Variants in PXDNL observed in about 807,000 individuals in gnomAD.
PXDNL encodes the protein peroxidasin like.
Under a neutral mutation model 150.8 loss-of-function variants are expected in PXDNL, and 145 were observed. The observed-to-expected ratio is 0.96, with a 90% CI of 0.84 to 1.10. PXDNL has a LOEUF of 1.10. Among genes scored for constraint, PXDNL ranks in the 50% least tolerant of loss-of-function variants. The pLI is 0.00. For missense variants in PXDNL, 2,087 were observed against 1,873.9 expected (o/e 1.11, Z -2.10); for synonymous variants, 757 against 725.7 (o/e 1.04, Z -0.69).
rs1333558290 is a variant in PXDNL at position 51,533,730 on chromosome 8, G to T, written c.380+23110C>A. Reference sequence around the variant, plus strand: ...TCCAGCTCCTAACCGCGAGTGATCCGCCAGCCTCGGCCTCCCGAGGTGCCG... The same window carrying T: ...TCCAGCTCCTAACCGCGAGTGATCCTCCAGCCTCGGCCTCCCGAGGTGCCG... On this transcript the variant is annotated intron_variant, in intron 4 of 22. Transcript: ENST00000356297. Among the ~76,000 whole-genome samples, 3 of 150,924 alleles carry T rather than the reference G, an allele frequency of 2.0e-5. 1 individual carries two copies. Among genetic ancestry groups the T allele is most frequent in the East Asian group, 2.0e-4 (1 of 4,994 alleles).
intron 2 of PXDNL, among the ~76,000 whole-genome samples, chr8:51,642,262 T>C (rs1814780500): frequency 6.6e-6 from 1 of 151,556 alleles, no homozygotes; most frequent in South Asian, 2.1e-4. Context: ...TGCTAAATGA[T>C]GAGTTAATGG....
chr8:51,674,062 C>T (rs910779625), intron 1 of PXDNL, among the ~76,000 whole-genome samples: 1 of 152,160 alleles, frequency 6.6e-6, no homozygotes, highest in African/African-American at 2.4e-5. Flanking sequence ...GGTTTTCAAC[C>T]ATTTAATTTC....
At chr8:51,487,166 A>G (rs1032522349) in intron 5 of PXDNL, among the ~76,000 whole-genome samples, 2 of 152,118 alleles carry the variant, frequency 1.3e-5, no homozygotes, top group African/African-American at 2.4e-5. Flanking sequence ...ATATTTGAGC[A>G]GTATCTACTT....
chr8:51,345,497 G>T (rs73579622), intron 20 of PXDNL, among the ~76,000 whole-genome samples: 7,482 of 152,030 alleles, frequency 0.049, 622 homozygotes, highest in African/African-American at 0.17. Context: ...TACCTTTCTC[G>T]CAAACAATAT....
rs1026613817 is a variant in PXDNL at position 51,597,541 on chromosome 8, A to T, written c.237-4843T>A. 8.6e-5 allele frequency among the ~76,000 whole-genome samples: 13 copies of T among 151,952 alleles called. No individual in the cohort carries two copies. The East Asian group carries it at 1.2e-3, about 14-fold the overall frequency. On this transcript the variant is annotated intron_variant, in intron 2 of 22. Coordinates refer to ENST00000356297, the MANE Select transcript of PXDNL (RefSeq NM_144651.5). ...TGATTCTTCCAATCCATGAGCATGG[A>T]ATATTTTTCCATTTGCTTGTGTCAT...
intron 3 of PXDNL, among the ~76,000 whole-genome samples, chr8:51,566,634 C>A (rs995021349): frequency 1.3e-5 from 2 of 151,388 alleles, no homozygotes; most frequent in African/African-American, 2.4e-5. Context: ...CTAGAGATGG[C>A]CCAATTTTAT....
intron 1 of PXDNL, among the ~76,000 whole-genome samples, chr8:51,752,427 G>A (rs1353790695): frequency 6.6e-6 from 1 of 152,104 alleles, no homozygotes; most frequent in Non-Finnish European, 1.5e-5. Context: ...GTGGGCTTTT[G>A]TTACATTCCA....
intron 12 of PXDNL, among the ~76,000 whole-genome samples, chr8:51,441,658 A>G (rs150298201): frequency 1.6e-3 from 251 of 152,204 alleles, no homozygotes; most frequent in African/African-American, 5.7e-3. Flanking sequence ...CAGTACTGGT[A>G]CACAGATAGA....
At chr8:51,628,922 C>T (rs1814427404) in intron 2 of PXDNL, among the ~76,000 whole-genome samples, 1 of 151,974 alleles carries the variant, frequency 6.6e-6, no homozygotes, top group Non-Finnish European at 1.5e-5. Flanking sequence ...AACTGATTTC[C>T]AGAGTCACCA....
At chr8:51,673,464 C>T (rs1815542118) in intron 1 of PXDNL, among the ~76,000 whole-genome samples, 1 of 152,070 alleles carries the variant, frequency 6.6e-6, no homozygotes, top group South Asian at 2.1e-4. Context: ...AAAAAATATA[C>T]TTATAGGCTT....
chr8:51,632,363 A>G (rs934482403), intron 2 of PXDNL, among the ~76,000 whole-genome samples: 1 of 152,106 alleles, frequency 6.6e-6, no homozygotes, highest in Non-Finnish European at 1.5e-5. Context: ...CACTTTGGGA[A>G]GCTGAGGCAG....
intron 4 of PXDNL, among the ~76,000 whole-genome samples, chr8:51,503,837 CA>C (rs1433511034): frequency 6.6e-6 from 1 of 152,162 alleles, no homozygotes; most frequent in East Asian, 1.9e-4. Context: ...CTACAAATTA[CA>C]TATCCAACCC....
intron 1 of PXDNL, among the ~76,000 whole-genome samples, chr8:51,664,720 T>TGG (rs1815345051): frequency 6.6e-6 from 1 of 152,066 alleles, no homozygotes; most frequent in Non-Finnish European, 1.5e-5. Flanking sequence ...ACCATTTATA[T>TGG]AGTGACCTGG....
rs576958890 is a variant in PXDNL, at chr8:51,710,695, T to C, written c.165-55935A>G. 2.6e-5 allele frequency among the ~76,000 whole-genome samples: 4 copies of C among 152,328 alleles called. No individual in the cohort carries two copies. In the South Asian group the frequency reaches 8.3e-4, roughly 32 times the overall value. ...CCATAGGAGTGAGCTCATGAAGTAT[T>C]TGTCTTTCTGTGCCTGGCTTATTTC... On this transcript the variant is annotated intron_variant, in intron 1 of 22. Transcript: ENST00000356297.
chr8:51,641,593 A>C (rs1814756432), intron 2 of PXDNL, among the ~76,000 whole-genome samples: 1 of 151,874 alleles, frequency 6.6e-6, no homozygotes. Context: ...CAGCCAAAAA[A>C]CACATGAAAA....
chr8:51,627,885 C>T (rs1814396840), intron 2 of PXDNL, among the ~76,000 whole-genome samples: 1 of 152,078 alleles, frequency 6.6e-6, no homozygotes, highest in Non-Finnish European at 1.5e-5. Context: ...TGTCTGGGGC[C>T]TACCTAAAAG....
Position 51,639,048 on chromosome 8 carries a change from C to T in PXDNL, c.236+15641G>A, listed in dbSNP as rs543338458. Among the ~76,000 whole-genome samples the T allele has an allele frequency of 1.4e-4, 22 of 152,288 alleles. No homozygotes were observed. In the East Asian group the frequency reaches 1.7e-3, roughly 12 times the overall value. ...AACTAGAACTCAGGATTAAGAAACT[C>T]GCTCAAAACCGCTCAACTACATGGA... is the stretch of plus-strand genomic sequence containing the variant. On this transcript the variant is annotated intron_variant, in intron 2 of 22. Transcript: ENST00000356297.
intron 1 of PXDNL, among the ~76,000 whole-genome samples, chr8:51,796,632 C>G (rs1413586645): frequency 6.6e-6 from 1 of 152,030 alleles, no homozygotes; most frequent in Non-Finnish European, 1.5e-5. Flanking sequence ...AGGAAGAAGT[C>G]AAATCCCTGA....
chr8:51,484,528 T>TGG (rs777751444), intron 5 of PXDNL, among the ~76,000 whole-genome samples: 1 of 151,766 alleles, frequency 6.6e-6, no homozygotes, highest in Non-Finnish European at 1.5e-5. Flanking sequence ...TGGGATCACA[T>TGG]GGAGATGTGC....
Sources: gnomAD v4.1 joint callset for allele counts (sites outside exome capture counted in the v4.1 genomes callset) on GRCh38, gnomAD v4.1.1 for gene constraint, MANE v1.5 for transcripts, NCBI Gene and HGNC (gene_info 2026-07-23, HGNC 2026-07-21) for gene names.